LRP1B: variants seen among roughly 807,000 people sequenced by gnomAD.
LRP1B encodes LDL receptor related protein 1B.
LRP1B carries 217 observed loss-of-function variants against 556.6 expected under a neutral mutation model. That is an observed-to-expected ratio of 0.39 (90% confidence interval 0.35 to 0.44). LRP1B has a LOEUF of 0.44. Ranked by LOEUF, LRP1B falls within the 20% of genes least tolerant of loss-of-function variation. The pLI is 1.00. For missense variants in LRP1B, 5,053 were observed against 5,620.8 expected, an observed-to-expected ratio of 0.90 and a Z score of 3.23; for synonymous variants, 2,047 against 1,865.8, an observed-to-expected ratio of 1.10 and a Z score of -2.50.
At chr2:140,467,364 G>T (rs1377156504) in intron 60 of LRP1B, among the ~76,000 whole-genome samples, 1 of 151,964 alleles carries the variant, frequency 6.6e-6, no homozygotes, top group Non-Finnish European at 1.5e-5. Flanking sequence ...AGCACTGTGG[G>T]AAGCCAATGT....
intron 1 of LRP1B, among the ~76,000 whole-genome samples, chr2:142,018,592 G>A (rs150637319): frequency 1.1e-3 from 172 of 151,754 alleles, no homozygotes; most frequent in African/African-American, 4.1e-3. Flanking sequence ...TTCTGTTTTT[G>A]CCTAATTTTA....
chr2:142,119,671 C>A (rs938547034), intron 1 of LRP1B, among the ~76,000 whole-genome samples: 1 of 152,110 alleles, frequency 6.6e-6, no homozygotes, highest in East Asian at 1.9e-4. Context: ...ATTCCTTTCT[C>A]TTTTTTTCAT....
intron 3 of LRP1B, among the ~76,000 whole-genome samples, chr2:141,466,622 A>C (rs1260500492): frequency 6.6e-6 from 1 of 152,036 alleles, no homozygotes; most frequent in Non-Finnish European, 1.5e-5. Flanking sequence ...TGGTAGGGAT[A>C]ATTTGGTCTT....
intron 3 of LRP1B, among the ~76,000 whole-genome samples, chr2:141,461,088 G>A (rs1006781759): frequency 2.6e-5 from 4 of 151,940 alleles, no homozygotes; most frequent in African/African-American, 7.3e-5. Flanking sequence ...AGCCATGAGA[G>A]TAAATGAGAT....
chr2:141,015,832 T>C lies in LRP1B; in HGVS notation c.2054A>G (p.Asn685Ser), dbSNP rs753713950. ...RIEKAWMDGF[N>S]RQIFVTSKML... Reference sequence around the variant, plus strand: ...CTTTGAAGTCACAAAAATCTGCCGATTGAATCCATCCATCCAGGCCTTCTC... The same window carrying C: ...CTTTGAAGTCACAAAAATCTGCCGACTGAATCCATCCATCCAGGCCTTCTC... The change falls in exon 13 of 91, where the codon AAT (asparagine) becomes AGT (serine). Residue 685 changes from asparagine (N) to serine (S), a missense_variant. Physicochemically the swap from Asn to Ser is conservative, Grantham distance 46. Around this residue, in one of 5 missense-constraint regions of LRP1B, gnomAD observed 3,619 missense variants for 3,931.9 expected, o/e 0.92. Transcript: ENST00000389484. 1 of 1,613,634 alleles carries C rather than the reference T, an allele frequency of 6.2e-7. No homozygotes were observed. The highest frequency in any genetic ancestry group is 1.1e-5 in the South Asian group (1 of 91,080).
chr2:140,475,155 C>T lies in LRP1B; in HGVS notation c.9608G>A (p.Gly3203Glu), dbSNP rs1687918647. The T allele has an allele frequency of 6.3e-7, 1 of 1,589,654 alleles. No homozygotes were observed. The highest frequency in any genetic ancestry group is 8.6e-7 in the Non-Finnish European group (1 of 1,167,120). ...ENHIEFSNMD[G>E]SHRHKVPNQD... is the part of the protein sequence containing the mutation. ...GGACCAACCTTTGTGTCTATGAGAT[C>T]CATCCATGTTGCTAAATTCAATGTG... The change falls in exon 60 of 91, where the codon GGA (glycine) becomes GAA (glutamate). Residue 3203 changes from glycine (G) to glutamate (E), a missense_variant. By Grantham distance (98) the Gly-to-Glu change is moderately conservative. This residue lies in a region of LRP1B where 262 missense variants were observed against 395.1 expected (regional missense o/e 0.66). Transcript: ENST00000389484.
At chr2:141,305,712 G>T (rs971608607) in intron 3 of LRP1B, among the ~76,000 whole-genome samples, 1 of 152,142 alleles carries the variant, frequency 6.6e-6, no homozygotes, top group East Asian at 1.9e-4. Context: ...TCAGTCTGAC[G>T]TTAGCTCTGG....
chr2:142,037,266 A>G lies in LRP1B; in HGVS notation c.82+93382T>C, dbSNP rs1438323723. On this transcript the variant is annotated intron_variant, in intron 1 of 90. Transcript: ENST00000389484. ...CTAGCGTTCTGAGTTCATCTGGTGTAGTGGTTTCAGCCACTGTCATAGCCT... is the reference window on the plus strand; with the variant it reads ...CTAGCGTTCTGAGTTCATCTGGTGTGGTGGTTTCAGCCACTGTCATAGCCT... Among the ~76,000 whole-genome samples, 3 of 151,644 alleles carry G rather than the reference A, an allele frequency of 2.0e-5. No homozygotes were observed. In the East Asian group the frequency reaches 5.8e-4, roughly 29 times the overall value.
chr2:141,894,946 G>A (rs1375968239), intron 1 of LRP1B, among the ~76,000 whole-genome samples: 1 of 151,062 alleles, frequency 6.6e-6, no homozygotes, highest in East Asian at 2.0e-4. Context: ...TACTTGGGTG[G>A]CTGAGGCAAG....
At chr2:141,161,047 A>G (rs562801136) in intron 7 of LRP1B, among the ~76,000 whole-genome samples, 4 of 152,238 alleles carry the variant, frequency 2.6e-5, no homozygotes, top group South Asian at 2.1e-4. Context: ...TAATTTTGCA[A>G]CTTTTGAGAA....
chr2:140,716,853 A>C, intron 35 of LRP1B, 37 bp from the exon 36 acceptor site: 1 of 1,340,648 alleles, frequency 7.5e-7, no homozygotes, highest in Non-Finnish European at 1.1e-6. Flanking sequence ...ACATATACAC[A>C]CACTGTAAAA....
chr2:141,193,385 A>G (rs1047411764), intron 6 of LRP1B, among the ~76,000 whole-genome samples: 60 of 152,082 alleles, frequency 3.9e-4, no homozygotes, highest in African/African-American at 1.4e-3. Context: ...CATGGTGCAT[A>G]TATATACCAT....
chr2:141,877,764 T>C (rs1381818819), intron 1 of LRP1B, among the ~76,000 whole-genome samples: 4 of 152,018 alleles, frequency 2.6e-5, no homozygotes, highest in African/African-American at 9.7e-5. Flanking sequence ...TTTTCTGATA[T>C]CTAAGCAAAG....
rs1227722580 is a variant in LRP1B, at chr2:141,275,295, T to C, written c.344-20654A>G. On this transcript the variant is annotated intron_variant, in intron 3 of 90. Coordinates refer to ENST00000389484, the MANE Select transcript of LRP1B (RefSeq NM_018557.3). ...GTGAATATTGGTTTAAACAATACTG[T>C]GATATAATATTGGAAACATCTGTGT... Among the ~76,000 whole-genome samples the C allele has an allele frequency of 2.0e-5, 3 of 152,302 alleles. No homozygotes were observed. The East Asian group carries it at 5.8e-4, about 29-fold the overall frequency.
intron 2 of LRP1B, among the ~76,000 whole-genome samples, chr2:141,510,234 A>ACCCCCC (rs1553524127): frequency 6.9e-6 from 1 of 145,282 alleles, no homozygotes; most frequent in African/African-American, 2.5e-5. Context: ...ACACACACAC[A>ACCCCCC]CCCCCCACAG....
At chr2:140,412,823 A>G (rs940804858) in intron 66 of LRP1B, among the ~76,000 whole-genome samples, 2 of 152,118 alleles carry the variant, frequency 1.3e-5, no homozygotes, top group African/African-American at 2.4e-5. Flanking sequence ...ATTTATTCAC[A>G]TAAGTATACT....
intron 31 of LRP1B, among the ~76,000 whole-genome samples, chr2:140,827,589 TAAAAA>T (rs1691554032): frequency 6.6e-6 from 1 of 151,040 alleles, no homozygotes; most frequent in Non-Finnish European, 1.5e-5. Context: ...AGAAAAATAA[TAAAAA>T]GAAATGAAGA....
intron 19 of LRP1B, among the ~76,000 whole-genome samples, chr2:140,951,166 C>T (rs1695703567): frequency 1.3e-5 from 2 of 152,104 alleles, no homozygotes; most frequent in Non-Finnish European, 2.9e-5. Context: ...ATTCTATCTT[C>T]AATATCCTCC....
chr2:141,774,074 C>T (rs1488002338), intron 2 of LRP1B, among the ~76,000 whole-genome samples: 4 of 152,186 alleles, frequency 2.6e-5, no homozygotes, highest in Non-Finnish European at 5.9e-5. Flanking sequence ...GAACTTACAA[C>T]ATTTTCACCA....
Sources: allele counts gnomAD v4.1 joint callset (sites outside exome capture counted in the v4.1 genomes callset), GRCh38; gene constraint gnomAD v4.1.1; regional missense constraint gnomAD v4.1.1; transcripts MANE v1.5; gene names NCBI Gene and HGNC (gene_info 2026-07-23, HGNC 2026-07-21).